TASOR2: variants seen among roughly 807,000 people sequenced by gnomAD.
The protein encoded by TASOR2 is transcription activation suppressor family member 2, also known as protein TASOR 2.
A neutral mutation model predicts 199.5 loss-of-function variants in TASOR2; 84 were observed. That is an observed-to-expected ratio of 0.42 (90% confidence interval 0.35 to 0.50). TASOR2 has a LOEUF of 0.50. Among genes scored for constraint, TASOR2 ranks in the 20% least tolerant of loss-of-function variants. The pLI is 0.02. For synonymous variants in TASOR2, 1,103 were observed against 1,046.6 expected, an observed-to-expected ratio of 1.05 and a Z score of -1.04; for missense variants, 2,796 against 2,835.9, an observed-to-expected ratio of 0.99 and a Z score of 0.32.
At chr10:5,695,781 T>A (rs1025576054) in intron 1 of TASOR2, among the ~76,000 whole-genome samples, 3 of 152,056 alleles carry the variant, frequency 2.0e-5, no homozygotes, top group African/African-American at 7.2e-5. Context: ...TTTCATGAAT[T>A]AGAGAATGCT....
rs1035832270 is a variant in TASOR2 at position 5,737,598 on chromosome 10, G to A, written c.1448-2020G>A. On this transcript the variant is annotated intron_variant, in intron 12 of 20. Transcript: ENST00000328090. The surrounding 1 kb of genome is among the most constrained non-coding windows in gnomAD (Gnocchi z 4.9). ...GCTAGATTTATCCCCACAGGGAGGC[G>A]TTTTCTCATGTTGTGACTGTAACTA... 1.3e-5 allele frequency among the ~76,000 whole-genome samples: 2 copies of A among 152,036 alleles called. No individual in the cohort carries two copies. Among genetic ancestry groups the A allele is most frequent in the Non-Finnish European group, 2.9e-5 (2 of 68,006 alleles).
chr10:5,743,769 A>G (rs1402462675), intron 14 of TASOR2: 1 of 152,240 alleles, frequency 6.6e-6, no homozygotes, highest in African/African-American at 2.4e-5. Context: ...TATCATCAGT[A>G]CTAATTTTAG....
rs1201123346 is a variant in TASOR2, at chr10:5,740,123, T to C, written c.1953T>C (p.Ser651=). The C allele has an allele frequency of 6.2e-7, 1 of 1,614,200 alleles. No individual in the cohort carries two copies. Among genetic ancestry groups the C allele is most frequent in the Non-Finnish European group, 8.5e-7 (1 of 1,180,042 alleles). The change falls in exon 13 of 21, where the codon TCT becomes TCC. Residue 651 remains serine, a synonymous_variant. Transcript: ENST00000328090. The surrounding 1 kb of genome is among the most constrained non-coding windows in gnomAD (Gnocchi z 5.3). Reference sequence around the variant, plus strand: ...ATGCAAGCCAAAGCTCTTCTGTTTCTGTGGAACATTCATATGCCCTGCTCC... The same window carrying C: ...ATGCAAGCCAAAGCTCTTCTGTTTCCGTGGAACATTCATATGCCCTGCTCC...
In TASOR2 at chr10:5,697,270, A is replaced by G. The variant is rs373858120; in HGVS notation, c.-288+12095A>G. Among the ~76,000 whole-genome samples, 98 of 130,562 alleles carry G rather than the reference A, an allele frequency of 7.5e-4. 3 individuals are homozygous for G. In the South Asian group the frequency reaches 0.026, roughly 34 times the overall value. The allele number at this position is 130,562 out of a possible 152,430, so 85.7% of individuals were successfully genotyped here. ...GTGCTAGCTCTTAAACTGCATTTTAACAAATTCAGGGAAAAAGGAAACCTT... is the reference window on the plus strand; with the variant it reads ...GTGCTAGCTCTTAAACTGCATTTTAGCAAATTCAGGGAAAAAGGAAACCTT... On this transcript the variant is annotated intron_variant, in intron 1 of 20. Transcript: ENST00000328090.
intron 9 of TASOR2, 42 bp downstream of exon 10, chr10:5,726,999 T>G: frequency 1.2e-6 from 2 of 1,613,298 alleles, no homozygotes; most frequent in Non-Finnish European, 1.7e-6. Context: ...TTCATTATGT[T>G]TACTTTTGCT....
Position 5,762,620 on chromosome 10 carries a change from A to G in TASOR2, c.7263A>G (p.Ile2421Met), listed in dbSNP as rs777471685. Reference sequence around the variant, plus strand: ...ACTTTATAGAAAACATAGAAAAAATAGCAGCTCCATTTAGGAGTAGCTATT... The same window carrying G: ...ACTTTATAGAAAACATAGAAAAAATGGCAGCTCCATTTAGGAGTAGCTATT... The change falls in exon 20 of 21, where the codon ATA becomes ATG. Residue 2421 changes from isoleucine (I) to methionine (M), a missense_variant. This residue lies in a region of TASOR2 where 1,941 missense variants were observed against 1,924.9 expected (regional missense o/e 1.01). Coordinates refer to ENST00000328090, the Ensembl canonical transcript of TASOR2. 1.1e-5 allele frequency: 17 copies of G among 1,482,890 alleles called. No individual in the cohort carries two copies. In the East Asian group the frequency reaches 4.0e-4, roughly 35 times the overall value. The allele number at this position is 1,482,890 out of a possible 1,614,324, so 91.9% of individuals were successfully genotyped here. A position where few individuals can be genotyped will look rare whatever the true frequency, so the allele number is the denominator to read the frequency against.
At chr10:5,723,742 C>A (rs746355058) in exon 7 of TASOR2, 1 of 1,604,462 alleles carries the variant, frequency 6.2e-7, no homozygotes, top group Non-Finnish European at 8.5e-7. Flanking sequence ...CTACCAGAGG[C>A]TGCCTTCAGA....
chr10:5,726,977 GA>G lies in TASOR2; in HGVS notation c.424+26del, dbSNP rs775203465. The G allele has an allele frequency of 1.2e-6, 2 of 1,613,370 alleles. No individual in the cohort carries two copies. The highest frequency in any genetic ancestry group is 2.2e-5 in the East Asian group (1 of 44,854). On this transcript the variant is annotated intron_variant, in intron 9 of 20. Coordinates refer to ENST00000328090, the Ensembl canonical transcript of TASOR2. ...AACCAGGTATGGAGAACTGTTTTGG[GA>G]AAAAATATTTTTCATTATGTTTACT...
At chr10:5,714,065 A>C (rs1041424886) in intron 2 of TASOR2, 70 bp from the exon 3 acceptor site, 1 of 859,140 alleles carries the variant, frequency 1.2e-6, no homozygotes, top group Admixed American at 4.3e-5. Flanking sequence ...AATTAAAAAA[A>C]AAAACCTTAC....
At position 5,737,791 on chromosome 10, in the gene TASOR2, C is replaced by T. The variant is rs1358292886; in HGVS notation, c.1448-1827C>T. Among the ~76,000 whole-genome samples the T allele has an allele frequency of 1.3e-5, 2 of 152,108 alleles. No individual in the cohort carries two copies. The highest frequency in any genetic ancestry group is 4.8e-5 in the African/African-American group (2 of 41,412). Reference sequence around the variant, plus strand: ...TGCATTCTTTGTACTGAATTGGCTTCAGATGTTTATTGACAAATTGATTAA... The same window carrying T: ...TGCATTCTTTGTACTGAATTGGCTTTAGATGTTTATTGACAAATTGATTAA... On this transcript the variant is annotated intron_variant, in intron 12 of 20. Coordinates refer to ENST00000328090, the Ensembl canonical transcript of TASOR2. The surrounding 1 kb of genome is among the most constrained non-coding windows in gnomAD (Gnocchi z 4.9).
At chr10:5,693,534 A>C (rs745495817) in intron 1 of TASOR2, among the ~76,000 whole-genome samples, 25 of 152,130 alleles carry the variant, frequency 1.6e-4, no homozygotes, top group Non-Finnish European at 3.2e-4. Flanking sequence ...GTTTTGACTT[A>C]CGGGAAATGC....
chr10:5,747,978 G>C (rs1837456209), exon 15 of TASOR2: 2 of 1,612,796 alleles, frequency 1.2e-6, no homozygotes, highest in Non-Finnish European at 1.7e-6. Context: ...GAAAGGTGCA[G>C]TGCTATGGTA....
At chr10:5,686,104 G>A (rs1835784807) in intron 1 of TASOR2, among the ~76,000 whole-genome samples, 1 of 152,170 alleles carries the variant, frequency 6.6e-6, no homozygotes, top group African/African-American at 2.4e-5. Flanking sequence ...ATAGGAATGG[G>A]TGACTGTATG....
In TASOR2 at chr10:5,706,081, T is replaced by C. The variant is rs1004119118; in HGVS notation, c.-287-6742T>C. 6.6e-6 allele frequency among the ~76,000 whole-genome samples: 1 copy of C among 152,194 alleles called. No individual in the cohort carries two copies. The highest frequency in any genetic ancestry group is 1.5e-5 in the Non-Finnish European group (1 of 68,032). On this transcript the variant is annotated intron_variant, in intron 1 of 20. Coordinates refer to ENST00000328090, the Ensembl canonical transcript of TASOR2. The surrounding 1 kb of genome is among the most constrained non-coding windows in gnomAD (Gnocchi z 4.8). ...GGTAGAGGTTTGAGGTTCATGTTTT[T>C]TTCCTCCGTTTTAGTTGTTCTGTAG...
At chr10:5,734,159 C>T (rs1835234075) in intron 11 of TASOR2, among the ~76,000 whole-genome samples, 2 of 152,158 alleles carry the variant, frequency 1.3e-5, no homozygotes, top group African/African-American at 4.8e-5. Flanking sequence ...CATATGATAT[C>T]TTTGAGGCTT....
chr10:5,686,189 T>G (rs1452070952), intron 1 of TASOR2, among the ~76,000 whole-genome samples: 2 of 152,198 alleles, frequency 1.3e-5, no homozygotes, highest in East Asian at 3.8e-4. Context: ...TCCACAATTA[T>G]GTTAAGGAAG....
At chr10:5,718,775 AAAAG>A (rs1362631900) in intron 3 of TASOR2, among the ~76,000 whole-genome samples, 3 of 151,854 alleles carry the variant, frequency 2.0e-5, no homozygotes, top group Admixed American at 2.0e-4. Flanking sequence ...AAAAAAAAAA[AAAAG>A]TGGTGGGGGA....
chr10:5,762,196 C>CGACG (rs900940159), intron 19 of TASOR2, among the ~76,000 whole-genome samples: 1 of 126,590 alleles, frequency 7.9e-6, no homozygotes, highest in African/African-American at 3.2e-5. Flanking sequence ...CTGCAGTGAG[C>CGACG]CGTCATCACA....
At chr10:5,747,921 T>C in exon 15 of TASOR2, 1 of 1,613,812 alleles carries the variant, frequency 6.2e-7, no homozygotes, top group Non-Finnish European at 8.5e-7. Flanking sequence ...GTAAAGTAAC[T>C]GAGGAAATTG....
Sources: allele counts gnomAD v4.1 joint callset (sites outside exome capture counted in the v4.1 genomes callset), GRCh38; gene constraint gnomAD v4.1.1; regional missense constraint gnomAD v4.1.1; non-coding constraint Gnocchi (gnomAD v3.1); transcripts MANE v1.5; gene names NCBI Gene and HGNC (gene_info 2026-07-23, HGNC 2026-07-21).